Variants in ELF2 observed in about 807,000 individuals in gnomAD.
The protein encoded by ELF2 is E74 like ETS transcription factor 2, also known as ETS-related transcription factor Elf-2.
Under a neutral mutation model 54.8 loss-of-function variants are expected in ELF2, and 11 were observed. The ratio of observed to expected loss-of-function variants is 0.20; its 90% confidence interval spans 0.13 to 0.33. The LOEUF (loss-of-function observed/expected upper bound fraction) is 0.33, where lower values mean the gene tolerates loss of function less well. Among genes scored for constraint, ELF2 ranks in the 10% least tolerant of loss-of-function variants. The probability of loss-of-function intolerance (pLI) is 1.00; values close to 1 mark genes in which losing one functional copy is unlikely to be tolerated. For missense variants in ELF2, 513 were observed against 703.0 expected, an observed-to-expected ratio of 0.73 and a Z score of 3.06; for synonymous variants, 203 against 245.1, an observed-to-expected ratio of 0.83 and a Z score of 1.61.
chr4:139,169,851 T>C (rs1247767648), intron 1 of ELF2, among the ~76,000 whole-genome samples: 2 of 130,836 alleles, frequency 1.5e-5, no homozygotes, highest in South Asian at 3.0e-4. Flanking sequence ...AGCGAGACTC[T>C]TGTCTTAAAA....
At chr4:139,136,924 CA>C (rs773676494) in intron 3 of ELF2, 21 of 152,260 alleles carry the variant, frequency 1.4e-4, no homozygotes, top group Non-Finnish European at 2.3e-4. Context: ...CTGGGCCTCC[CA>C]AAGTGCTGGG....
chr4:139,063,217 C>T (rs367611633), intron 7 of ELF2, among the ~76,000 whole-genome samples: 3 of 152,098 alleles, frequency 2.0e-5, no homozygotes, highest in African/African-American at 7.2e-5. Context: ...GAGATCGCAC[C>T]ACTGCACTCC....
At chr4:139,173,753 G>A (rs148070026) in intron 1 of ELF2, among the ~76,000 whole-genome samples, 2,404 of 115,498 alleles carry the variant, frequency 0.021, 75 homozygotes, top group East Asian at 0.14. Context: ...GCGAGACTCC[G>A]TCTCAAAAAA....
intron 9 of ELF2, 59 bp downstream of exon 9, chr4:139,060,265 C>T (rs1727634817): frequency 7.0e-7 from 1 of 1,428,658 alleles, no homozygotes. Context: ...ATTTTGTTTT[C>T]ACCACGGAGA....
intron 6 of ELF2, among the ~76,000 whole-genome samples, chr4:139,071,397 C>A (rs1298190246): frequency 1.3e-5 from 2 of 151,852 alleles, no homozygotes; most frequent in Non-Finnish European, 2.9e-5. Context: ...CCTGCGCTCA[C>A]GAAATCCTCT....
In ELF2 at chr4:139,059,181, T is replaced by G. The variant is rs778834002; in HGVS notation, c.1584A>C (p.Ala528=). The change falls in exon 10 of 10, where the codon GCA becomes GCC. Residue 528 remains alanine (A), a synonymous_variant. Coordinates refer to ENST00000686138, the MANE Select transcript of ELF2 (RefSeq NM_001331036.3). ...ATTTAACCTCTGGCCCCTTTATGAC[T>G]GCACTGATAACTCGAGGAGGAGTCT... is the stretch of plus-strand genomic sequence containing the variant. ...SGQTPPRVIS[A]VIKGPEVKSE... 6.2e-5 allele frequency: 100 copies of G among 1,613,868 alleles called. No individual in the cohort carries two copies. The highest frequency in any genetic ancestry group is 1.2e-4 in the Admixed American group (7 of 59,992).
chr4:139,141,599 C>T (rs1286661921), intron 1 of ELF2, among the ~76,000 whole-genome samples: 32 of 152,126 alleles, frequency 2.1e-4, no homozygotes, highest in Non-Finnish European at 2.9e-5. Flanking sequence ...AGAAAGAGAC[C>T]AGGTAGACTA....
intron 4 of ELF2, chr4:139,115,436 C>T: frequency 1.0e-6 from 1 of 983,100 alleles, no homozygotes; most frequent in South Asian, 4.7e-5. Context: ...CTCCGGGACG[C>T]CCCCGGCTGG....
At chr4:139,072,904 A>G (rs1295861294) in intron 5 of ELF2, among the ~76,000 whole-genome samples, 1 of 152,214 alleles carries the variant, frequency 6.6e-6, no homozygotes, top group African/African-American at 2.4e-5. Context: ...AGTCAAATTA[A>G]CATTTGGGCA....
chr4:139,105,155 G>A (rs1734296662), intron 4 of ELF2, among the ~76,000 whole-genome samples: 1 of 152,094 alleles, frequency 6.6e-6, no homozygotes, highest in African/African-American at 2.4e-5. Flanking sequence ...TGCTTTAACT[G>A]CTTGAAAAGA....
chr4:139,059,706 T>C (rs1727539515), intron 9 of ELF2, 99 bp from the exon 10 acceptor site: 1 of 1,417,518 alleles, frequency 7.1e-7, no homozygotes, highest in Non-Finnish European at 9.5e-7. Context: ...ATGTGTAAAA[T>C]TAGTGCTCCC....
At chr4:139,114,561 T>TCCAGTCTCACACACACACACACACACA (rs70940492) in intron 4 of ELF2, among the ~76,000 whole-genome samples, 1,492 of 108,532 alleles carry the variant, frequency 0.014, 22 homozygotes, top group Admixed American at 0.04. Flanking sequence ...GACTTCAGTC[T>TCCAGTCTCACACACACACACACACACA]CACACACACA....
At chr4:139,080,317 C>A (rs1469287069) in intron 4 of ELF2, among the ~76,000 whole-genome samples, 2 of 152,124 alleles carry the variant, frequency 1.3e-5, no homozygotes, top group African/African-American at 4.8e-5. Flanking sequence ...AAACTAGTGT[C>A]ATTCCTTGAG....
intron 7 of ELF2, among the ~76,000 whole-genome samples, chr4:139,065,478 T>C (rs1005388968): frequency 3.9e-5 from 6 of 152,112 alleles, no homozygotes; most frequent in South Asian, 2.1e-4. Context: ...CCTGTCTCTA[T>C]AGAAAAAAAT....
intron 1 of ELF2, among the ~76,000 whole-genome samples, chr4:139,165,815 A>T (rs1380429400): frequency 6.6e-6 from 1 of 152,254 alleles, no homozygotes; most frequent in African/African-American, 2.4e-5. Context: ...CTGACAAATA[A>T]GTGATTCTAG....
intron 1 of ELF2, among the ~76,000 whole-genome samples, chr4:139,143,616 C>T (rs111713236): frequency 0.02 from 3,014 of 152,198 alleles, 39 homozygotes; most frequent in African/African-American, 0.04. Flanking sequence ...GAAACCCCGT[C>T]TCTACTAAAA....
rs906372962 is a variant in ELF2, at chr4:139,170,753, T to C, written c.-252+6214A>G. Among the ~76,000 whole-genome samples, 9 of 148,736 alleles carry C rather than the reference T, an allele frequency of 6.1e-5. No individual in the cohort carries two copies. In the East Asian group the frequency reaches 1.4e-3, roughly 23 times the overall value. The stretch of plus-strand genomic sequence containing the variant: ...TTATATTATATTAATTATATTATAT[T>C]ATATTTTTTTGAGACAGAGCCTTGC... On this transcript the variant is annotated intron_variant, in intron 1 of 9. Coordinates refer to ENST00000686138, the MANE Select transcript of ELF2 (RefSeq NM_001331036.3).
intron 4 of ELF2, among the ~76,000 whole-genome samples, chr4:139,083,272 C>T (rs1277242696): frequency 1.3e-5 from 2 of 152,174 alleles, no homozygotes; most frequent in African/African-American, 2.4e-5. Flanking sequence ...TTAACATTCA[C>T]CCACTGTTTA....
intron 4 of ELF2, among the ~76,000 whole-genome samples, chr4:139,112,271 C>T (rs1363567587): frequency 6.6e-6 from 1 of 152,214 alleles, no homozygotes; most frequent in African/African-American, 2.4e-5. Context: ...CTTCAGATGT[C>T]ACATCCTCAG....
Sources: gnomAD v4.1 joint callset for allele counts (sites outside exome capture counted in the v4.1 genomes callset) on GRCh38, gnomAD v4.1.1 for gene constraint, MANE v1.5 for transcripts, NCBI Gene and HGNC (gene_info 2026-07-23, HGNC 2026-07-21) for gene names.